KCNN2: variants seen among roughly 807,000 people sequenced by gnomAD.
KCNN2 encodes small conductance calcium-activated potassium channel protein 2.
In KCNN2, 24 loss-of-function variants were observed where a neutral mutation model predicts 55.5. The observed-to-expected ratio is 0.43, with a 90% CI of 0.31 to 0.61. The LOEUF is 0.61. Among genes scored for constraint, KCNN2 ranks in the 20% least tolerant of loss-of-function variants. The pLI is 0.08. For synonymous variants in KCNN2, 431 were observed against 336.1 expected (o/e 1.28, Z -3.09); for missense variants, 754 against 853.6 (o/e 0.88, Z 1.45).
intron 1 of KCNN2, among the ~76,000 whole-genome samples, chr5:114,088,903 G>A (rs1357065414): frequency 6.6e-6 from 1 of 152,222 alleles, no homozygotes; most frequent in African/African-American, 2.4e-5. Context: ...TTACAGGCGT[G>A]AGCCACTGCG....
At chr5:114,298,264 A>G (rs1002780872) in intron 2 of KCNN2, among the ~76,000 whole-genome samples, 2 of 152,230 alleles carry the variant, frequency 1.3e-5, no homozygotes, top group African/African-American at 4.8e-5. Flanking sequence ...GGGACACAGA[A>G]GTACTCTCAG....
intron 3 of KCNN2, among the ~76,000 whole-genome samples, chr5:114,416,017 C>T (rs1215888445): frequency 1.3e-5 from 2 of 152,178 alleles, no homozygotes; most frequent in East Asian, 3.8e-4. Context: ...CCTCTTCTTG[C>T]TGCCCTTTTC....
chr5:114,158,809 G>C (rs977236895), intron 1 of KCNN2, among the ~76,000 whole-genome samples: 1 of 151,904 alleles, frequency 6.6e-6, no homozygotes, highest in African/African-American at 2.4e-5. Flanking sequence ...CTGTTTGTCT[G>C]TTATTGGTGT....
intron 2 of KCNN2, among the ~76,000 whole-genome samples, chr5:114,226,315 A>G (rs1754237054): frequency 6.6e-6 from 1 of 152,278 alleles, no homozygotes; most frequent in South Asian, 2.1e-4. Context: ...GCAGTACAGT[A>G]TATCGATTTA....
At chr5:114,414,812 A>G (rs1412947335) in intron 3 of KCNN2, among the ~76,000 whole-genome samples, 1 of 152,198 alleles carries the variant, frequency 6.6e-6, no homozygotes, top group Non-Finnish European at 1.5e-5. Context: ...GTCATTTTTT[A>G]AAACAACTTT....
intron 1 of KCNN2, among the ~76,000 whole-genome samples, chr5:114,091,110 G>A (rs1283296530): frequency 1.3e-5 from 2 of 152,184 alleles, no homozygotes; most frequent in Non-Finnish European, 2.9e-5. Flanking sequence ...AATGTGCTGG[G>A]ATTACAGGTG....
intron 4 of KCNN2, among the ~76,000 whole-genome samples, chr5:114,471,374 A>G (rs972178688): frequency 3.9e-5 from 6 of 152,202 alleles, no homozygotes; most frequent in African/African-American, 1.4e-4. Context: ...GCTAAACAGT[A>G]TTGTTATTGT....
At chr5:114,485,135 T>C (rs1243722719) in intron 5 of KCNN2, among the ~76,000 whole-genome samples, 2 of 152,214 alleles carry the variant, frequency 1.3e-5, no homozygotes, top group Admixed American at 1.3e-4. Flanking sequence ...AATCAAGTGC[T>C]ATGTTCTACA....
Position 114,143,657 on chromosome 5 carries a change from T to C in KCNN2, c.-270-77823T>C, listed in dbSNP as rs192032380. Among the ~76,000 whole-genome samples, 419 of 152,314 alleles carry C rather than the reference T, an allele frequency of 2.8e-3. 3 individuals carry two copies. The highest frequency in any genetic ancestry group is 9.2e-3 in the African/African-American group (382 of 41,586). On this transcript the variant is annotated intron_variant, in intron 1 of 10. Transcript: ENST00000512097. ...GATGTGAAACCTCCGTGACTGCACG[T>C]CCATTCATAGGCTTTTTGCAGTGGG...
intron 1 of KCNN2, among the ~76,000 whole-genome samples, chr5:114,095,610 G>A (rs1348629930): frequency 6.6e-6 from 1 of 152,082 alleles, no homozygotes; most frequent in East Asian, 1.9e-4. Context: ...ATTGTTCCAG[G>A]GAGCATGTTT....
intron 2 of KCNN2, among the ~76,000 whole-genome samples, chr5:114,334,266 G>A (rs1290974557): frequency 4.3e-4 from 20 of 46,182 alleles, no homozygotes; most frequent in Middle Eastern, 8.9e-3. Context: ...CCTGATGTGT[G>A]TGTGTGTGTG....
intron 2 of KCNN2, among the ~76,000 whole-genome samples, chr5:114,396,281 G>C (rs928926267): frequency 2.0e-5 from 3 of 151,692 alleles, no homozygotes; most frequent in South Asian, 2.1e-4. Flanking sequence ...CAGGAGAAAG[G>C]GCTTTTGTTT....
At chr5:114,222,692 C>T (rs1754165267) in intron 2 of KCNN2, among the ~76,000 whole-genome samples, 1 of 151,880 alleles carries the variant, frequency 6.6e-6, no homozygotes, top group Non-Finnish European at 1.5e-5. Flanking sequence ...TACCATAAGA[C>T]AGTGATTAAA....
At chr5:114,360,102 A>G (rs1043399408), upstream of KCNN2, among the ~76,000 whole-genome samples, 1 of 152,158 alleles carries the variant, frequency 6.6e-6, no homozygotes, top group African/African-American at 2.4e-5. Context: ...TATATTCTTG[A>G]CCAAGACCAT....
chr5:114,335,097 G>C (rs1756897546), intron 2 of KCNN2, among the ~76,000 whole-genome samples: 1 of 152,124 alleles, frequency 6.6e-6, no homozygotes, highest in Non-Finnish European at 1.5e-5. Context: ...CTAATTTTTT[G>C]TATTTTTAGT....
intron 1 of KCNN2, among the ~76,000 whole-genome samples, chr5:114,166,464 T>C (rs993015749): frequency 6.6e-6 from 1 of 152,062 alleles, no homozygotes; most frequent in Non-Finnish European, 1.5e-5. Context: ...CAATTGTGTT[T>C]TTCAAAAAAC....
At chr5:114,175,080 C>T (rs978382479) in intron 1 of KCNN2, among the ~76,000 whole-genome samples, 1 of 152,146 alleles carries the variant, frequency 6.6e-6, no homozygotes, top group Non-Finnish European at 1.5e-5. Flanking sequence ...CATGTTATGA[C>T]AGTTTGGGCT....
At chr5:114,084,543 A>G (rs192333354) in intron 1 of KCNN2, among the ~76,000 whole-genome samples, 37 of 152,078 alleles carry the variant, frequency 2.4e-4, no homozygotes, top group African/African-American at 8.4e-4. Context: ...TTGAGTTTTA[A>G]GAGTTCTTTG....
At chr5:114,058,211 A>G (rs1750251446) in intron 1 of KCNN2, among the ~76,000 whole-genome samples, 1 of 152,114 alleles carries the variant, frequency 6.6e-6, no homozygotes, top group African/African-American at 2.4e-5. Context: ...AATATTAAAA[A>G]CTACTAAAAT....
Sources: allele counts gnomAD v4.1 joint callset (sites outside exome capture counted in the v4.1 genomes callset), GRCh38; gene constraint gnomAD v4.1.1; transcripts MANE v1.5; gene names NCBI Gene and HGNC (gene_info 2026-07-23, HGNC 2026-07-21).